The following DPP10 variants were observed in gnomAD, a reference collection of about 807,000 sequenced individuals.
The protein encoded by DPP10 is dipeptidyl peptidase like 10.
In DPP10, 33 loss-of-function variants were observed where a neutral mutation model predicts 120.9. The ratio of observed to expected loss-of-function variants is 0.27; its 90% CI spans 0.21 to 0.37. The LOEUF is 0.37. Ranked by LOEUF, DPP10 falls within the 10% of genes least tolerant of loss-of-function variation. The pLI, the probability that DPP10 is intolerant of heterozygous loss-of-function variation, is 1.00. For synonymous variants in DPP10, 337 were observed against 326.1 expected (o/e 1.03, Z -0.36); for missense variants, 816 against 942.8 (o/e 0.87, Z 1.76).
intron 1 of DPP10, among the ~76,000 whole-genome samples, chr2:115,253,519 A>G (rs1391516705): frequency 6.6e-6 from 1 of 152,190 alleles, no homozygotes; most frequent in Non-Finnish European, 1.5e-5. Context: ...AAAGCAATTT[A>G]TTTACTTCCA....
chr2:115,222,881 A>G (rs2057246857), intron 1 of DPP10, among the ~76,000 whole-genome samples: 1 of 152,046 alleles, frequency 6.6e-6, no homozygotes, highest in African/African-American at 2.4e-5. Flanking sequence ...TTTTCTAAAG[A>G]GCATTATTAA....
At chr2:115,137,334 C>T (rs934174159) in intron 1 of DPP10, among the ~76,000 whole-genome samples, 4 of 152,214 alleles carry the variant, frequency 2.6e-5, no homozygotes, top group African/African-American at 9.6e-5. Context: ...CTGACTGAGC[C>T]ATCTGGCAGT....
chr2:115,139,338 T>C (rs1401182881), intron 1 of DPP10, among the ~76,000 whole-genome samples: 3 of 150,782 alleles, frequency 2.0e-5, no homozygotes, highest in African/African-American at 4.9e-5. Flanking sequence ...ACAAAAATCA[T>C]AGGAAAGTTC....
At chr2:114,528,926 T>A (rs190999687) in intron 1 of DPP10, among the ~76,000 whole-genome samples, 4 of 152,194 alleles carry the variant, frequency 2.6e-5, no homozygotes, top group Admixed American at 2.6e-4. Context: ...CCACTTGGGC[T>A]TGTCATTCTG....
At chr2:114,663,252 A>C (rs1011331008) in intron 1 of DPP10, among the ~76,000 whole-genome samples, 6 of 147,462 alleles carry the variant, frequency 4.1e-5, no homozygotes, top group African/African-American at 1.5e-4. Flanking sequence ...GTGTATATAT[A>C]TATATATCTA....
At chr2:115,174,999 C>T (rs1340183577) in intron 1 of DPP10, among the ~76,000 whole-genome samples, 1 of 152,114 alleles carries the variant, frequency 6.6e-6, no homozygotes, top group Non-Finnish European at 1.5e-5. Context: ...TAATTGCACA[C>T]AAGGAAGTGA....
intron 1 of DPP10, among the ~76,000 whole-genome samples, chr2:114,936,024 A>G (rs1242596267): frequency 6.6e-6 from 1 of 151,996 alleles, no homozygotes; most frequent in Admixed American, 6.6e-5. Flanking sequence ...TTGGGGGAAC[A>G]GGTAGTGTTT....
intron 1 of DPP10, among the ~76,000 whole-genome samples, chr2:115,233,810 A>G (rs557919336): frequency 6.6e-6 from 1 of 152,174 alleles, no homozygotes; most frequent in South Asian, 2.1e-4. Flanking sequence ...TGGAAAACTC[A>G]CTCACCTTTG....
intron 10 of DPP10, among the ~76,000 whole-genome samples, chr2:115,752,883 C>A (rs1189020051): frequency 2.0e-5 from 3 of 151,974 alleles, no homozygotes; most frequent in East Asian, 1.9e-4. Flanking sequence ...CCAAGAAATA[C>A]TTTTCTGGGA....
At chr2:114,835,304 A>G (rs1433679736) in intron 1 of DPP10, 1 of 151,666 alleles carries the variant, frequency 6.6e-6, no homozygotes, top group South Asian at 2.1e-4. Flanking sequence ...ATGTATATAT[A>G]AGACATATCT....
At chr2:115,204,831 G>A (rs1379420086) in intron 1 of DPP10, among the ~76,000 whole-genome samples, 1 of 152,104 alleles carries the variant, frequency 6.6e-6, no homozygotes, top group Non-Finnish European at 1.5e-5. Flanking sequence ...GTATTGATTT[G>A]CATTTCGCTG....
At chr2:115,309,433 C>A in intron 2 of DPP10, 80 bp downstream of exon 2, 1 of 1,374,960 alleles carries the variant, frequency 7.3e-7, no homozygotes, top group Non-Finnish European at 1.0e-6. Context: ...AAGAGGGTAG[C>A]AATATGTGGT....
At chr2:114,569,524 T>A (rs1401770799) in intron 1 of DPP10, among the ~76,000 whole-genome samples, 1 of 152,176 alleles carries the variant, frequency 6.6e-6, no homozygotes, top group Non-Finnish European at 1.5e-5. Flanking sequence ...CCCGGCAGAC[T>A]GATATTTGCT....
chr2:115,613,776 A>T (rs1199093020), intron 5 of DPP10, among the ~76,000 whole-genome samples: 1 of 152,190 alleles, frequency 6.6e-6, no homozygotes, highest in Non-Finnish European at 1.5e-5. Context: ...CAGTACAAAG[A>T]GATTACTTGG....
At chr2:114,460,590 C>T (rs1057353948) in intron 1 of DPP10, among the ~76,000 whole-genome samples, 1 of 151,996 alleles carries the variant, frequency 6.6e-6, no homozygotes, top group African/African-American at 2.4e-5. Context: ...TTTTTCAAGC[C>T]TCCATTTTAT....
chr2:115,354,434 T>C (rs2064234022), intron 3 of DPP10, among the ~76,000 whole-genome samples: 1 of 152,104 alleles, frequency 6.6e-6, no homozygotes, highest in African/African-American at 2.4e-5. Context: ...TGGTTTTTTG[T>C]TTTGGTTTTT....
In DPP10 at chr2:114,893,142, G is replaced by C. The variant is rs141734841; in HGVS notation, c.61-416097G>C. Among the ~76,000 whole-genome samples, 1,250 of 152,002 alleles carry C rather than the reference G, an allele frequency of 8.2e-3. 19 individuals are homozygous for C. Among genetic ancestry groups the C allele is most frequent in the African/African-American group, 0.029 (1,192 of 41,448 alleles). ...AAGACTCCAAGAAACATATAGTAGG[G>C]GAAAATTACAATTTCCCAAATTTAA... On this transcript the variant is annotated intron_variant, in intron 1 of 25. Transcript: ENST00000410059.
chr2:114,496,197 T>C (rs1400029697), intron 1 of DPP10, among the ~76,000 whole-genome samples: 1 of 152,070 alleles, frequency 6.6e-6, no homozygotes, highest in African/African-American at 2.4e-5. Flanking sequence ...TTGGGGTTCT[T>C]AGGATGAAGA....
chr2:115,124,913 C>G (rs1024044157), intron 1 of DPP10, among the ~76,000 whole-genome samples: 1 of 152,106 alleles, frequency 6.6e-6, no homozygotes, highest in African/African-American at 2.4e-5. Flanking sequence ...GGGATTAATG[C>G]TGGATCTACT....
Sources: allele counts gnomAD v4.1 joint callset (sites outside exome capture counted in the v4.1 genomes callset), GRCh38; gene constraint gnomAD v4.1.1; transcripts MANE v1.5; gene names NCBI Gene and HGNC (gene_info 2026-07-23, HGNC 2026-07-21).